Variants in CHST9 observed in about 807,000 individuals in gnomAD.
The protein encoded by CHST9 is GalNAc-4-sulfotransferase 2.
In CHST9, 41 loss-of-function variants were observed where a neutral mutation model predicts 44.4. The ratio of observed to expected loss-of-function variants is 0.92; its 90% CI spans 0.72 to 1.20. The LOEUF (loss-of-function observed/expected upper bound fraction) is 1.20, where lower values mean the gene tolerates loss of function less well. Among genes scored for constraint, CHST9 ranks in the 50% most tolerant of loss-of-function variants. The pLI is 0.00. For missense variants in CHST9, 504 were observed against 516.5 expected (o/e 0.98, Z 0.23); for synonymous variants, 171 against 178.4 (o/e 0.96, Z 0.33).
intron 1 of CHST9, among the ~76,000 whole-genome samples, chr18:27,166,474 A>G (rs1339100930): frequency 1.3e-5 from 2 of 152,124 alleles, no homozygotes; most frequent in Non-Finnish European, 2.9e-5. Flanking sequence ...TCCTTCACCA[A>G]CCTTGGGTTG....
At chr18:27,038,477 T>A (rs571958378) in intron 3 of CHST9, among the ~76,000 whole-genome samples, 1 of 151,622 alleles carries the variant, frequency 6.6e-6, no homozygotes, top group East Asian at 2.0e-4. Flanking sequence ...ACTCGGGAGG[T>A]GAAGGTTGCA....
At chr18:27,133,852 G>A (rs1484914470) in intron 2 of CHST9, among the ~76,000 whole-genome samples, 1 of 152,104 alleles carries the variant, frequency 6.6e-6, no homozygotes, top group Non-Finnish European at 1.5e-5. Flanking sequence ...CCGTGACATG[G>A]GAATAATCAC....
intron 4 of CHST9, among the ~76,000 whole-genome samples, chr18:26,969,374 C>CTGTGTG (rs752526316): frequency 7.4e-5 from 11 of 149,238 alleles, no homozygotes; most frequent in African/African-American, 1.3e-4. Context: ...CTCTCTCTCT[C>CTGTGTG]TCTGTGTGTG....
intron 4 of CHST9, among the ~76,000 whole-genome samples, chr18:26,961,915 T>C (rs1445811878): frequency 6.6e-6 from 1 of 152,106 alleles, no homozygotes; most frequent in Non-Finnish European, 1.5e-5. Context: ...GAAAGTCTAG[T>C]TTGTGTTGGT....
intron 1 of CHST9, among the ~76,000 whole-genome samples, chr18:27,172,051 T>C (rs2058837437): frequency 6.6e-6 from 1 of 152,180 alleles, no homozygotes; most frequent in African/African-American, 2.4e-5. Flanking sequence ...TCTAGAATTA[T>C]TCCCCAAGGC....
chr18:27,109,571 T>C (rs778368867), intron 2 of CHST9, among the ~76,000 whole-genome samples: 1 of 152,198 alleles, frequency 6.6e-6, no homozygotes, highest in Non-Finnish European at 1.5e-5. Flanking sequence ...CATTGTTCAG[T>C]CCCAATGTAG....
At chr18:27,163,233 G>A (rs1007205004) in intron 1 of CHST9, among the ~76,000 whole-genome samples, 2 of 152,196 alleles carry the variant, frequency 1.3e-5, no homozygotes, top group Admixed American at 1.3e-4. Flanking sequence ...ACTGGGGGGT[G>A]CCTCCCAGTT....
At chr18:27,157,210 T>C (rs941419169) in intron 1 of CHST9, among the ~76,000 whole-genome samples, 1 of 152,050 alleles carries the variant, frequency 6.6e-6, no homozygotes. Context: ...TTTTCCTTCA[T>C]CATATATTAT....
chr18:27,010,391 T>G (rs1026188939), intron 4 of CHST9, among the ~76,000 whole-genome samples: 3 of 152,186 alleles, frequency 2.0e-5, no homozygotes, highest in African/African-American at 7.2e-5. Context: ...ACATGAATAT[T>G]ACATGACTTG....
intron 4 of CHST9, among the ~76,000 whole-genome samples, chr18:26,975,717 G>A (rs1568117308): frequency 1.2e-3 from 101 of 86,970 alleles, no homozygotes; most frequent in African/African-American, 4.1e-3. Flanking sequence ...ATATGTGTGT[G>A]TGTGTGTGTA....
chr18:26,962,631 A>T (rs369484781), intron 4 of CHST9, among the ~76,000 whole-genome samples: 1 of 151,920 alleles, frequency 6.6e-6, no homozygotes, highest in Admixed American at 6.6e-5. Context: ...AACTTATCTC[A>T]ATCTGAATGT....
At chr18:27,073,379 A>G (rs1052740508) in intron 2 of CHST9, among the ~76,000 whole-genome samples, 1 of 114,312 alleles carries the variant, frequency 8.7e-6, no homozygotes, top group Non-Finnish European at 1.7e-5. Context: ...AAGCTGGTGC[A>G]CTGGTAGCGC....
intron 2 of CHST9, among the ~76,000 whole-genome samples, chr18:27,090,764 G>A (rs565550542): frequency 5.9e-5 from 9 of 152,178 alleles, no homozygotes; most frequent in African/African-American, 2.2e-4. Context: ...GTAGATGTGT[G>A]GTGTTATTTC....
chr18:27,142,921 G>C lies in CHST9; in HGVS notation c.-96-16C>G. The stretch of plus-strand genomic sequence containing the variant: ...ATAAAGTAACCTAGAATTTTAAAAA[G>C]AAATCTACATTGTACATTTCTGCTA... On this transcript the variant is annotated splice_polypyrimidine_tract_variant and intron_variant, in intron 1 of 5. Transcript: ENST00000618847. The C allele has an allele frequency of 1.0e-6, 1 of 952,606 alleles. No individual in the cohort carries two copies. The highest frequency in any genetic ancestry group is 1.5e-6 in the Non-Finnish European group (1 of 649,048). 59.0% of individuals were successfully genotyped at this position (952,606 alleles called of 1,614,324 possible).
chr18:27,000,807 C>T (rs2056943551), intron 4 of CHST9, among the ~76,000 whole-genome samples: 1 of 152,134 alleles, frequency 6.6e-6, no homozygotes, highest in African/African-American at 2.4e-5. Context: ...CAACTCCCTC[C>T]TACCACATCC....
intron 2 of CHST9, among the ~76,000 whole-genome samples, chr18:27,136,266 A>G (rs2058512399): frequency 6.6e-6 from 1 of 152,190 alleles, no homozygotes; most frequent in African/African-American, 2.4e-5. Context: ...TGGAAATGAG[A>G]TCAGGCTTCA....
chr18:27,005,626 C>T (rs2057007053), intron 4 of CHST9, among the ~76,000 whole-genome samples: 1 of 152,092 alleles, frequency 6.6e-6, no homozygotes, highest in Non-Finnish European at 1.5e-5. Context: ...TTGTTTTACA[C>T]ATTAAAAGAT....
intron 2 of CHST9, among the ~76,000 whole-genome samples, chr18:27,060,591 T>C (rs1213427487): frequency 6.6e-6 from 1 of 152,158 alleles, no homozygotes; most frequent in African/African-American, 2.4e-5. Context: ...GAATTTGGCA[T>C]TGTCAGGGAA....
chr18:27,067,736 CT>C (rs1234100771), intron 2 of CHST9, among the ~76,000 whole-genome samples: 1 of 152,076 alleles, frequency 6.6e-6, no homozygotes, highest in Non-Finnish European at 1.5e-5. Context: ...TTGAGATTGA[CT>C]GAATCTGATG....
Sources: gnomAD v4.1 joint callset for allele counts (sites outside exome capture counted in the v4.1 genomes callset) on GRCh38, gnomAD v4.1.1 for gene constraint, MANE v1.5 for transcripts, NCBI Gene and HGNC (gene_info 2026-07-23, HGNC 2026-07-21) for gene names.